CDH4: variants seen among roughly 807,000 people sequenced by gnomAD.
CDH4 encodes the protein cadherin 4.
Under a neutral mutation model 86.0 loss-of-function variants are expected in CDH4, and 33 were observed. The observed-to-expected ratio is 0.38, with a 90% confidence interval of 0.29 to 0.51. CDH4 has a LOEUF of 0.51. Ranked by LOEUF, CDH4 falls within the 20% of genes least tolerant of loss-of-function variation. The pLI, the probability that CDH4 is intolerant of heterozygous loss-of-function variation, is 0.86. For synonymous variants in CDH4, 555 were observed against 549.4 expected, an observed-to-expected ratio of 1.01 and a Z score of -0.14; for missense variants, 1,114 against 1,307.4, an observed-to-expected ratio of 0.85 and a Z score of 2.28.
intron 2 of CDH4, among the ~76,000 whole-genome samples, chr20:61,652,897 C>T (rs1193587133): frequency 6.8e-6 from 1 of 147,258 alleles, no homozygotes; most frequent in East Asian, 1.9e-4. Flanking sequence ...TATTACTCTC[C>T]CAAAGGTTAC....
chr20:61,391,563 C>G (rs1322508444), intron 2 of CDH4, among the ~76,000 whole-genome samples: 1 of 152,186 alleles, frequency 6.6e-6, no homozygotes, highest in Non-Finnish European at 1.5e-5. Context: ...CCTTCTTAGA[C>G]AGCAAAGCTG....
intron 12 of CDH4, among the ~76,000 whole-genome samples, chr20:61,928,942 C>CATT (rs1237636645): frequency 6.6e-6 from 1 of 152,144 alleles, no homozygotes; most frequent in Non-Finnish European, 1.5e-5. Context: ...AGGCCAAAGT[C>CATT]ATTATTTCCA....
intron 2 of CDH4, chr20:61,570,874 G>A: frequency 1.5e-6 from 1 of 680,458 alleles, no homozygotes; most frequent in South Asian, 1.6e-5. Context: ...TGTAGTGGCT[G>A]TTAAGAAGTT....
In CDH4 at chr20:61,306,847, T is replaced by C. The variant is rs569331932; in HGVS notation, c.169+51910T>C. 5.9e-5 allele frequency among the ~76,000 whole-genome samples: 9 copies of C among 152,250 alleles called. No individual in the cohort carries two copies. In the South Asian group the frequency reaches 1.9e-3, roughly 32 times the overall value. On this transcript the variant is annotated intron_variant, in intron 2 of 15. Coordinates refer to ENST00000614565, the MANE Select transcript of CDH4 (RefSeq NM_001794.5). ...CTCAGCGTTGCCTGATTTCGAACTT[T>C]GTGTCGACAGAGCCCCACTTCACCT...
At chr20:61,922,911 G>A (rs985060709) in intron 9 of CDH4, among the ~76,000 whole-genome samples, 16 of 152,200 alleles carry the variant, frequency 1.1e-4, no homozygotes, top group East Asian at 1.9e-4. Flanking sequence ...GTGCATGACC[G>A]CACCCAGCCC....
chr20:61,443,661 G>A (rs1454306833), intron 2 of CDH4, among the ~76,000 whole-genome samples: 1 of 152,228 alleles, frequency 6.6e-6, no homozygotes, highest in African/African-American at 2.4e-5. Context: ...AATTTTGAGA[G>A]AAGACTGCTG....
intron 7 of CDH4, 148 bp from the exon 8 acceptor site, chr20:61,894,762 G>T (rs1985019077): frequency 1.3e-6 from 1 of 795,480 alleles, no homozygotes; most frequent in African/African-American, 1.7e-5. Context: ...GGCTTGGAAA[G>T]GGCCCTGCGC....
chr20:61,739,305 T>A (rs1164566128), intron 2 of CDH4, among the ~76,000 whole-genome samples: 1 of 152,144 alleles, frequency 6.6e-6, no homozygotes, highest in African/African-American at 2.4e-5. Context: ...GCCCTCAGCC[T>A]GATGGGAGCC....
At chr20:61,794,825 A>T (rs1979439169) in intron 4 of CDH4, among the ~76,000 whole-genome samples, 1 of 152,176 alleles carries the variant, frequency 6.6e-6, no homozygotes, top group Non-Finnish European at 1.5e-5. Context: ...CACAGGGCTC[A>T]TTGCTCCAGG....
intron 6 of CDH4, among the ~76,000 whole-genome samples, chr20:61,861,145 C>T (rs1178683724): frequency 1.3e-5 from 2 of 152,184 alleles, no homozygotes; most frequent in Admixed American, 6.5e-5. Context: ...ACGTGGGCTC[C>T]GCTGGTCTCC....
At chr20:61,651,454 G>T (rs1019722567) in intron 2 of CDH4, among the ~76,000 whole-genome samples, 5 of 152,208 alleles carry the variant, frequency 3.3e-5, no homozygotes, top group Admixed American at 3.3e-4. Flanking sequence ...TCCTTCTGCC[G>T]CTTTCCCACC....
chr20:61,818,052 C>T (rs560560414), intron 4 of CDH4, among the ~76,000 whole-genome samples: 20 of 151,666 alleles, frequency 1.3e-4, no homozygotes, highest in Admixed American at 3.9e-4. Context: ...TTTTTTGAGA[C>T]GGAGTCTCGC....
At chr20:61,661,803 G>A (rs6061706) in intron 2 of CDH4, among the ~76,000 whole-genome samples, 67,840 of 151,848 alleles carry the variant, frequency 0.45, 16,259 homozygotes, top group African/African-American at 0.63. Context: ...GACGCGGCTC[G>A]TATGACAGGC....
chr20:61,424,062 CA>C (rs1294284932), intron 2 of CDH4, among the ~76,000 whole-genome samples: 2 of 152,084 alleles, frequency 1.3e-5, no homozygotes, highest in African/African-American at 4.8e-5. Context: ...TATATACATA[CA>C]CATCCACACA....
At chr20:61,767,967 T>C (rs923458211) in intron 3 of CDH4, among the ~76,000 whole-genome samples, 1 of 152,178 alleles carries the variant, frequency 6.6e-6, no homozygotes, top group African/African-American at 2.4e-5. Context: ...CGTGAGTGGA[T>C]GGAGGCGACA....
intron 4 of CDH4, among the ~76,000 whole-genome samples, chr20:61,788,217 A>T (rs1317626138): frequency 6.6e-6 from 1 of 152,090 alleles, no homozygotes; most frequent in Non-Finnish European, 1.5e-5. Context: ...CCCTTGAGGA[A>T]TGAGAGGCTC....
intron 2 of CDH4, among the ~76,000 whole-genome samples, chr20:61,404,789 G>A (rs1160152261): frequency 2.0e-5 from 3 of 151,678 alleles, no homozygotes; most frequent in South Asian, 2.1e-4. Flanking sequence ...GGTGGCTCAC[G>A]CCTGTAATCC....
In CDH4 at chr20:61,613,384, G is replaced by A. The variant is rs559726144; in HGVS notation, c.170-130179G>A. On this transcript the variant is annotated intron_variant, in intron 2 of 15. Transcript: ENST00000614565. ...TTCTTGCCAGATCTGGCCCAGGGCC[G>A]TGTGCGTAGGTCAGTCAGTGGAGGA... Among the ~76,000 whole-genome samples the A allele has an allele frequency of 1.2e-3, 189 of 152,140 alleles. 4 individuals carry two copies. Among genetic ancestry groups the A allele is most frequent in the Admixed American group, 0.011 (174 of 15,306 alleles).
At chr20:61,486,412 G>C (rs2085596870) in intron 2 of CDH4, among the ~76,000 whole-genome samples, 1 of 152,220 alleles carries the variant, frequency 6.6e-6, no homozygotes. Context: ...GCCCTACCCT[G>C]TTCCTCTCGC....
Sources: gnomAD v4.1 joint callset for allele counts (sites outside exome capture counted in the v4.1 genomes callset) on GRCh38, gnomAD v4.1.1 for gene constraint, MANE v1.5 for transcripts, NCBI Gene and HGNC (gene_info 2026-07-23, HGNC 2026-07-21) for gene names.